The following ASTN2 variants were observed in gnomAD, a reference collection of about 807,000 sequenced individuals.
ASTN2 encodes astrotactin 2.
A neutral mutation model predicts 139.8 loss-of-function variants in ASTN2; 54 were observed. That is an observed-to-expected ratio of 0.39 (90% CI 0.31 to 0.48). The LOEUF (loss-of-function observed/expected upper bound fraction) is 0.48, where lower values mean the gene tolerates loss of function less well. ASTN2 is among the 20% of genes least tolerant of loss of function. The pLI is 0.95. For synonymous variants in ASTN2, 756 were observed against 719.5 expected (o/e 1.05, Z -0.81); for missense variants, 1,565 against 1,725.1 (o/e 0.91, Z 1.64).
At chr9:116,906,391 A>T (rs139084016) in intron 10 of ASTN2, among the ~76,000 whole-genome samples, 39 of 152,290 alleles carry the variant, frequency 2.6e-4, no homozygotes, top group African/African-American at 7.0e-4. Context: ...TAGGAAACTG[A>T]AGAAAGCAAA....
chr9:116,791,135 G>A (rs1473929990), intron 13 of ASTN2, among the ~76,000 whole-genome samples: 3 of 152,128 alleles, frequency 2.0e-5, no homozygotes, highest in South Asian at 4.1e-4. Context: ...GATTACAGGC[G>A]TGAGCCACCG....
chr9:116,564,558 T>C (rs1377215453), intron 19 of ASTN2, among the ~76,000 whole-genome samples: 1 of 152,188 alleles, frequency 6.6e-6, no homozygotes, highest in African/African-American at 2.4e-5. Context: ...TGCATCAACT[T>C]TGGCTGATCT....
At chr9:116,557,381 T>C (rs896857009) in intron 19 of ASTN2, among the ~76,000 whole-genome samples, 5 of 152,072 alleles carry the variant, frequency 3.3e-5, no homozygotes, top group Admixed American at 6.6e-5. Flanking sequence ...TTTTGTAAAA[T>C]GGGAAGAGAG....
intron 1 of ASTN2, among the ~76,000 whole-genome samples, chr9:117,392,228 CA>C (rs1830560160): frequency 6.6e-6 from 1 of 152,014 alleles, no homozygotes; most frequent in African/African-American, 2.4e-5. Context: ...TAACTTATAG[CA>C]AGGTAGAGAT....
chr9:117,243,846 A>C (rs948154642), intron 2 of ASTN2, among the ~76,000 whole-genome samples: 1 of 152,118 alleles, frequency 6.6e-6, no homozygotes, highest in Non-Finnish European at 1.5e-5. Flanking sequence ...CCCAATATGC[A>C]TTTCCCTTTC....
At chr9:116,919,682 ACACC>A (rs1834545595) in intron 10 of ASTN2, among the ~76,000 whole-genome samples, 1 of 135,684 alleles carries the variant, frequency 7.4e-6, no homozygotes, top group African/African-American at 2.9e-5. Flanking sequence ...GCAGTAGCTC[ACACC>A]TGTAATCAGC....
At chr9:116,692,200 G>A (rs1588207180) in intron 16 of ASTN2, among the ~76,000 whole-genome samples, 1 of 152,212 alleles carries the variant, frequency 6.6e-6, no homozygotes, top group Admixed American at 6.5e-5. Flanking sequence ...GGCAATTCAA[G>A]CATTAGGTGA....
chr9:116,556,626 A>G (rs1852630774), intron 19 of ASTN2, among the ~76,000 whole-genome samples: 1 of 152,148 alleles, frequency 6.6e-6, no homozygotes, highest in South Asian at 2.1e-4. Context: ...AGAAAGTGAA[A>G]AGAGGTTGAC....
rs1187052467 is a variant in ASTN2, at chr9:117,189,500, C to T, written c.1015+24858G>A. ...TGTGTAACTTCAGATACCTCTCTCC[C>T]CTCCCTGGGTCTCTGTTGAATGAAA... On this transcript the variant is annotated intron_variant, in intron 3 of 22. Coordinates refer to ENST00000313400, the MANE Select transcript of ASTN2 (RefSeq NM_001365068.1). Among the ~76,000 whole-genome samples, 4 of 152,306 alleles carry T rather than the reference C, an allele frequency of 2.6e-5. No individual in the cohort carries two copies. In the South Asian group the frequency reaches 6.2e-4, roughly 24 times the overall value.
intron 10 of ASTN2, among the ~76,000 whole-genome samples, chr9:116,869,985 C>T (rs1031936975): frequency 1.5e-4 from 23 of 150,090 alleles, no homozygotes; most frequent in African/African-American, 5.2e-4. Context: ...GTGGTGTGTG[C>T]CTGTAGTACC....
chr9:116,718,864 G>C (rs1325297793), intron 16 of ASTN2, among the ~76,000 whole-genome samples: 2 of 151,282 alleles, frequency 1.3e-5, no homozygotes, highest in Non-Finnish European at 2.9e-5. Flanking sequence ...TCTCCAGCTT[G>C]CTGACTGCAG....
intron 6 of ASTN2, among the ~76,000 whole-genome samples, chr9:117,027,785 T>C (rs986671697): frequency 6.6e-6 from 1 of 152,160 alleles, no homozygotes; most frequent in Non-Finnish European, 1.5e-5. Flanking sequence ...TATATAGTTA[T>C]CCTAACATTT....
rs550934788 is a variant in ASTN2 at position 117,173,847 on chromosome 9, A to C, written c.1016-32369T>G. On this transcript the variant is annotated intron_variant, in intron 3 of 22. Coordinates refer to ENST00000313400, the MANE Select transcript of ASTN2 (RefSeq NM_001365068.1). The stretch of plus-strand genomic sequence containing the variant: ...AATGTAGAATAAAGAAAATATGATA[A>C]AAATTAATGATATAGAAGAGAAATA... Among the ~76,000 whole-genome samples, 7 of 152,064 alleles carry C rather than the reference A, an allele frequency of 4.6e-5. No homozygotes were observed. In the East Asian group the frequency reaches 1.4e-3, roughly 29 times the overall value.
At chr9:116,883,858 T>C (rs1415623028) in intron 10 of ASTN2, among the ~76,000 whole-genome samples, 1 of 152,172 alleles carries the variant, frequency 6.6e-6, no homozygotes, top group Non-Finnish European at 1.5e-5. Flanking sequence ...ATTCAGAGCT[T>C]CTGGATTTGG....
At position 117,117,873 on chromosome 9, in the gene ASTN2, G is replaced by A. The variant is rs566253537; in HGVS notation, c.1169-21722C>T. 7.2e-5 allele frequency among the ~76,000 whole-genome samples: 11 copies of A among 152,180 alleles called. No individual in the cohort carries two copies. The South Asian group carries it at 8.3e-4, about 12-fold the overall frequency. On this transcript the variant is annotated intron_variant, in intron 4 of 22. Coordinates refer to ENST00000313400, the MANE Select transcript of ASTN2 (RefSeq NM_001365068.1). Reference sequence around the variant, plus strand: ...CAGACATGGCACTCATTCCCAGGGTGAACTTCGCAGGCTCTGGGGGTAAGA... The same window carrying A: ...CAGACATGGCACTCATTCCCAGGGTAAACTTCGCAGGCTCTGGGGGTAAGA...
At chr9:116,553,748 A>T (rs1404182944) in intron 19 of ASTN2, among the ~76,000 whole-genome samples, 1 of 152,176 alleles carries the variant, frequency 6.6e-6, no homozygotes, top group East Asian at 1.9e-4. Context: ...CATTGCCAGT[A>T]CTCAACAAAG....
At chr9:117,010,044 T>C (rs1341585609) in intron 6 of ASTN2, among the ~76,000 whole-genome samples, 1 of 152,280 alleles carries the variant, frequency 6.6e-6, no homozygotes, top group Admixed American at 6.5e-5. Context: ...AAAGGCACAG[T>C]GGACAACATA....
intron 1 of ASTN2, among the ~76,000 whole-genome samples, chr9:117,342,092 A>T (rs1245862996): frequency 2.0e-5 from 3 of 152,328 alleles, no homozygotes; most frequent in Non-Finnish European, 4.4e-5. Flanking sequence ...AATATTTAGC[A>T]TCTCCATTTC....
At chr9:117,230,693 G>A (rs1439031179) in intron 2 of ASTN2, among the ~76,000 whole-genome samples, 1 of 152,074 alleles carries the variant, frequency 6.6e-6, no homozygotes, top group Non-Finnish European at 1.5e-5. Flanking sequence ...GATTGAGCCA[G>A]GAAAGAAAAG....
Sources: gnomAD v4.1 joint callset for allele counts (sites outside exome capture counted in the v4.1 genomes callset) on GRCh38, gnomAD v4.1.1 for gene constraint, MANE v1.5 for transcripts, NCBI Gene and HGNC (gene_info 2026-07-23, HGNC 2026-07-21) for gene names.